The following CMSS1 variants were observed in gnomAD, a reference collection of about 807,000 sequenced individuals.
CMSS1 encodes cms1 ribosomal small subunit homolog, also known as protein CMSS1.
A neutral mutation model predicts 43.5 loss-of-function variants in CMSS1; 33 were observed. The ratio of observed to expected loss-of-function variants is 0.76; its 90% confidence interval spans 0.57 to 1.01. CMSS1 has a LOEUF of 1.01. Ranked by LOEUF, CMSS1 falls within the 50% of genes least tolerant of loss-of-function variation. The pLI is 0.00. For missense variants in CMSS1, 313 were observed against 326.4 expected (o/e 0.96, Z 0.32); for synonymous variants, 115 against 117.2 (o/e 0.98, Z 0.12).
At chr3:99,911,695 G>C (rs1427399989) in intron 1 of CMSS1, among the ~76,000 whole-genome samples, 1 of 152,174 alleles carries the variant, frequency 6.6e-6, no homozygotes, top group African/African-American at 2.4e-5. Context: ...TCCCTGCAGA[G>C]CTAATCCATC....
chr3:99,990,217 G>A (rs1709473082), intron 1 of CMSS1, among the ~76,000 whole-genome samples: 1 of 152,024 alleles, frequency 6.6e-6, no homozygotes, highest in Non-Finnish European at 1.5e-5. Flanking sequence ...GGGTGGTAGA[G>A]AGGGTAGTCA....
At chr3:99,900,772 G>A (rs1706410096) in intron 1 of CMSS1, among the ~76,000 whole-genome samples, 1 of 152,218 alleles carries the variant, frequency 6.6e-6, no homozygotes, top group Non-Finnish European at 1.5e-5. Context: ...TTTTAGCACA[G>A]TTGCTGTTTC....
At chr3:99,919,296 A>G (rs1195528058) in intron 1 of CMSS1, among the ~76,000 whole-genome samples, 1 of 151,700 alleles carries the variant, frequency 6.6e-6, no homozygotes, top group Non-Finnish European at 1.5e-5. Flanking sequence ...TCATGAACTC[A>G]TAATGCCTTA....
intron 1 of CMSS1, among the ~76,000 whole-genome samples, chr3:100,126,471 G>T (rs550127291): frequency 7.9e-5 from 12 of 152,180 alleles, no homozygotes; most frequent in African/African-American, 2.9e-4. Context: ...TTTCACATGG[G>T]TTCCTACAAA....
At chr3:99,888,712 T>C (rs964355112) in intron 1 of CMSS1, among the ~76,000 whole-genome samples, 3 of 152,344 alleles carry the variant, frequency 2.0e-5, no homozygotes, top group African/African-American at 7.2e-5. Flanking sequence ...TTTGTAGAGA[T>C]ATGAACACTT....
chr3:100,052,694 G>A (rs80173391), intron 1 of CMSS1, among the ~76,000 whole-genome samples: 1,841 of 152,272 alleles, frequency 0.012, 24 homozygotes, highest in African/African-American at 0.028. Context: ...CACATTTTAA[G>A]ATAAGTATAT....
At chr3:100,071,619 G>C (rs184688408) in intron 1 of CMSS1, among the ~76,000 whole-genome samples, 180 of 152,258 alleles carry the variant, frequency 1.2e-3, no homozygotes, top group Admixed American at 3.8e-3. Context: ...GGCCAGTGTT[G>C]GAAGTCAACT....
intron 1 of CMSS1, among the ~76,000 whole-genome samples, chr3:100,022,791 A>T (rs1482701530): frequency 6.6e-6 from 1 of 152,182 alleles, no homozygotes; most frequent in African/African-American, 2.4e-5. Context: ...GTACTTATTT[A>T]AAAACATCAG....
chr3:99,909,798 C>T (rs1304858540), intron 1 of CMSS1, among the ~76,000 whole-genome samples: 2 of 152,136 alleles, frequency 1.3e-5, no homozygotes, highest in East Asian at 1.9e-4. Context: ...ATTCCATTTC[C>T]ATTCAACTGC....
chr3:100,141,927 A>T (rs1374348008), intron 1 of CMSS1, among the ~76,000 whole-genome samples: 2 of 152,194 alleles, frequency 1.3e-5, no homozygotes, highest in Non-Finnish European at 2.9e-5. Flanking sequence ...ACTGGAGCCA[A>T]CCTGGCTAGA....
intron 1 of CMSS1, among the ~76,000 whole-genome samples, chr3:99,876,365 C>T (rs1183985632): frequency 2.0e-5 from 3 of 152,004 alleles, no homozygotes; most frequent in Admixed American, 1.3e-4. Flanking sequence ...GTTCCCGGCT[C>T]CCAGCGGAGG....
chr3:99,942,151 G>A (rs374191917), intron 1 of CMSS1, among the ~76,000 whole-genome samples: 6 of 151,538 alleles, frequency 4.0e-5, no homozygotes, highest in African/African-American at 1.5e-4. Context: ...GTAGTGAGCC[G>A]AGATCGTGCC....
At chr3:99,856,413 T>A (rs751935441) in intron 1 of CMSS1, among the ~76,000 whole-genome samples, 7 of 152,204 alleles carry the variant, frequency 4.6e-5, no homozygotes, top group Non-Finnish European at 1.0e-4. Context: ...TTAAAGACTA[T>A]TGTCTTGGAG....
intron 1 of CMSS1, among the ~76,000 whole-genome samples, chr3:99,973,887 T>G (rs1708894200): frequency 6.6e-6 from 1 of 152,186 alleles, no homozygotes; most frequent in South Asian, 2.1e-4. Flanking sequence ...GTGTTCTTGA[T>G]AGACAATATA....
At chr3:99,935,000 G>A (rs1202611273) in intron 1 of CMSS1, among the ~76,000 whole-genome samples, 2 of 152,078 alleles carry the variant, frequency 1.3e-5, no homozygotes, top group African/African-American at 2.4e-5. Context: ...CTACTGAGGA[G>A]CATGTGTCTC....
intron 2 of CMSS1, among the ~76,000 whole-genome samples, chr3:100,155,103 T>C (rs767819151): frequency 6.6e-6 from 1 of 152,232 alleles, no homozygotes; most frequent in East Asian, 1.9e-4. Flanking sequence ...TCTTGACTTA[T>C]CGATTTCTGA....
chr3:100,080,923 G>T (rs1431376558), intron 1 of CMSS1, among the ~76,000 whole-genome samples: 1 of 152,172 alleles, frequency 6.6e-6, no homozygotes, highest in African/African-American at 2.4e-5. Context: ...CTGTCCTAAA[G>T]GATGAGTTGA....
At chr3:99,972,574 C>T (rs1236518991) in intron 1 of CMSS1, among the ~76,000 whole-genome samples, 1 of 152,190 alleles carries the variant, frequency 6.6e-6, no homozygotes, top group Admixed American at 6.5e-5. Context: ...CCCAGTCATT[C>T]TTTCCAGAGT....
At chr3:99,874,769 T>G (rs1576538875) in intron 1 of CMSS1, among the ~76,000 whole-genome samples, 1 of 152,222 alleles carries the variant, frequency 6.6e-6, no homozygotes, top group African/African-American at 2.4e-5. Flanking sequence ...TGTGTTTCAA[T>G]GATAAAATCT....
Sources: allele counts gnomAD v4.1 joint callset (sites outside exome capture counted in the v4.1 genomes callset), GRCh38; gene constraint gnomAD v4.1.1; transcripts MANE v1.5; gene names NCBI Gene and HGNC (gene_info 2026-07-23, HGNC 2026-07-21).